BRD10: variants seen among roughly 807,000 people sequenced by gnomAD.
BRD10 encodes bromodomain containing 10.
chr9:5,992,769 C>A, the BRD10 span, among the ~76,000 whole-genome samples: 1 of 151,198 alleles, frequency 6.6e-6, no homozygotes, highest in Non-Finnish European at 1.5e-5. Context: ...TTAATACATT[C>A]CAAATTTCAG....
the BRD10 span, among the ~76,000 whole-genome samples, chr9:5,982,729 C>T: frequency 2.0e-5 from 3 of 152,114 alleles, no homozygotes; most frequent in African/African-American, 7.2e-5. Context: ...TTATAAGCAA[C>T]AGAAAATAAA....
the BRD10 span, among the ~76,000 whole-genome samples, chr9:5,993,088 G>A: frequency 6.6e-6 from 1 of 152,048 alleles, no homozygotes; most frequent in African/African-American, 2.4e-5. Flanking sequence ...GGCCAAGGCG[G>A]GTGGATCAAA....
chr9:5,945,958 C>T, the BRD10 span, among the ~76,000 whole-genome samples: 1 of 151,970 alleles, frequency 6.6e-6, no homozygotes, highest in African/African-American at 2.4e-5. Context: ...TTATCAGCCC[C>T]AAGTTCGATA....
At chr9:5,994,010 T>C in the BRD10 span, among the ~76,000 whole-genome samples, 1 of 152,216 alleles carries the variant, frequency 6.6e-6, no homozygotes, top group African/African-American at 2.4e-5. Context: ...TTTATGTATC[T>C]TTACAAGCTC....
the BRD10 span, among the ~76,000 whole-genome samples, chr9:5,981,248 T>G: frequency 6.6e-6 from 1 of 152,204 alleles, no homozygotes; most frequent in Non-Finnish European, 1.5e-5. Flanking sequence ...GGCTCTCTCC[T>G]CATGAGGTTG....
At chr9:5,968,659 A>G in the BRD10 span, 6 of 1,613,702 alleles carry the variant, frequency 3.7e-6, no homozygotes, top group African/African-American at 5.3e-5. Context: ...TGCTACATCT[A>G]TGTTCTCCAT....
the BRD10 span, chr9:5,944,901 G>A: frequency 6.5e-7 from 1 of 1,543,322 alleles, no homozygotes; most frequent in African/African-American, 1.4e-5. Context: ...CCAGATCTTT[G>A]AGTTCATTCT....
chr9:5,955,129 G>C, the BRD10 span, among the ~76,000 whole-genome samples: 1 of 151,906 alleles, frequency 6.6e-6, no homozygotes, highest in South Asian at 2.1e-4. Flanking sequence ...TTTTTAGTTA[G>C]AAACACATTA....
At chr9:5,914,409 GGTTTT>G in the BRD10 span, among the ~76,000 whole-genome samples, 1 of 106,924 alleles carries the variant, frequency 9.4e-6, no homozygotes, top group Non-Finnish European at 1.8e-5. Context: ...AAATCCAGAT[GGTTTT>G]TTTTTTTTTT....
chr9:6,007,805 C>T, the BRD10 span: 2 of 1,481,168 alleles, frequency 1.4e-6, no homozygotes, highest in East Asian at 5.1e-5. Flanking sequence ...CAGGCCTAGG[C>T]TGGGCGGTGT....
At chr9:5,971,047 C>T in the BRD10 span, among the ~76,000 whole-genome samples, 8,151 of 77,850 alleles carry the variant, frequency 0.1, 586 homozygotes, top group Middle Eastern at 0.26. Context: ...AGCTAAGCAA[C>T]GTCTCAAAAA....
the BRD10 span, chr9:5,929,104 C>T: frequency 3.7e-6 from 6 of 1,609,322 alleles, no homozygotes; most frequent in East Asian, 2.2e-5. Flanking sequence ...ATTTAAAAGA[C>T]GTATCAATGT....
At chr9:6,001,394 G>T in the BRD10 span, among the ~76,000 whole-genome samples, 1 of 152,130 alleles carries the variant, frequency 6.6e-6, no homozygotes, top group Non-Finnish European at 1.5e-5. Context: ...GGTACTTTAT[G>T]ATTGGCCCCA....
chr9:5,919,373 T>G, the BRD10 span: 1 of 215,676 alleles, frequency 4.6e-6, no homozygotes, highest in Non-Finnish European at 9.3e-6. Context: ...AAAGGCTAGC[T>G]TACTCTAAAC....
chr9:5,987,261 A>C, the BRD10 span, among the ~76,000 whole-genome samples: 3 of 152,136 alleles, frequency 2.0e-5, no homozygotes, highest in Non-Finnish European at 2.9e-5. Context: ...CCCTATACCA[A>C]GGAAGATACT....
chr9:5,980,419 A>G, the BRD10 span, among the ~76,000 whole-genome samples: 6 of 152,298 alleles, frequency 3.9e-5, no homozygotes, highest in East Asian at 1.2e-3. Flanking sequence ...GTCCAAACTA[A>G]TAAAGACAGC....
the BRD10 span, chr9:5,920,167 G>A: frequency 1.2e-6 from 2 of 1,613,968 alleles, no homozygotes; most frequent in Non-Finnish European, 1.7e-6. Context: ...ATGCTAGTGT[G>A]ATCTTCTGGG....
chr9:5,982,887 A>C, the BRD10 span, among the ~76,000 whole-genome samples: 1 of 152,228 alleles, frequency 6.6e-6, no homozygotes, highest in African/African-American at 2.4e-5. Context: ...GATAATTCCA[A>C]AAAGAAGGAA....
At chr9:5,921,375 T>C in the BRD10 span, 1 of 1,614,002 alleles carries the variant, frequency 6.2e-7, no homozygotes, top group South Asian at 1.1e-5. Context: ...TCTGGAGTCT[T>C]AACATATGCT....
Sources: allele counts gnomAD v4.1 joint callset (sites outside exome capture counted in the v4.1 genomes callset), GRCh38; gene constraint gnomAD v4.1.1; transcripts MANE v1.5; gene names NCBI Gene and HGNC (gene_info 2026-07-23, HGNC 2026-07-21).